The following COL21A1 variants were observed in gnomAD, a reference collection of about 807,000 sequenced individuals.
COL21A1 encodes collagen alpha-1(XXI) chain.
In COL21A1, 149 loss-of-function variants were observed where a neutral mutation model predicts 137.9. That is an observed-to-expected ratio of 1.08 (90% CI 0.95 to 1.24). The LOEUF (loss-of-function observed/expected upper bound fraction) is 1.24, where lower values mean the gene tolerates loss of function less well. Among genes scored for constraint, COL21A1 ranks in the 50% most tolerant of loss-of-function variants. The probability of loss-of-function intolerance (pLI) is 0.00; values close to 1 mark genes in which losing one functional copy is unlikely to be tolerated. For missense variants in COL21A1, 1,167 were observed against 1,158.4 expected, an observed-to-expected ratio of 1.01 and a Z score of -0.11; for synonymous variants, 456 against 391.5, an observed-to-expected ratio of 1.16 and a Z score of -1.95.
At chr6:56,162,777 A>G (rs1006756558) in intron 9 of COL21A1, among the ~76,000 whole-genome samples, 5 of 152,274 alleles carry the variant, frequency 3.3e-5, no homozygotes, top group African/African-American at 1.2e-4. Context: ...TATTTTTAAA[A>G]GAATCTACTG....
At chr6:56,113,996 A>C (rs1725323008) in intron 16 of COL21A1, among the ~76,000 whole-genome samples, 2 of 152,068 alleles carry the variant, frequency 1.3e-5, no homozygotes, top group African/African-American at 4.8e-5. Flanking sequence ...GGAGAGAAAA[A>C]AGTGAGAAGG....
chr6:56,061,820 G>A, intron 24 of COL21A1, 139 bp from the exon 25 acceptor site: 1 of 535,172 alleles, frequency 1.9e-6, no homozygotes, highest in Non-Finnish European at 3.3e-6. Flanking sequence ...CAGAATTACA[G>A]ACCCTTTTTG....
intron 1 of COL21A1, among the ~76,000 whole-genome samples, chr6:56,208,137 C>T (rs1394157659): frequency 6.6e-6 from 1 of 152,004 alleles, no homozygotes; most frequent in African/African-American, 2.4e-5. Context: ...ACAAGGATGC[C>T]CTCTCTCACC....
chr6:56,143,962 G>A (rs757493245), intron 10 of COL21A1, among the ~76,000 whole-genome samples: 2 of 152,106 alleles, frequency 1.3e-5, no homozygotes, highest in African/African-American at 2.4e-5. Flanking sequence ...AAATGGAAAC[G>A]TTTAGTAATC....
chr6:56,086,759 G>C (rs1446543718), intron 17 of COL21A1, among the ~76,000 whole-genome samples: 1 of 152,060 alleles, frequency 6.6e-6, no homozygotes, highest in Non-Finnish European at 1.5e-5. Flanking sequence ...ATCTAGAAAG[G>C]TTCCTATAAG....
chr6:56,058,655 T>A (rs941250915), intron 29 of COL21A1, among the ~76,000 whole-genome samples: 1 of 152,208 alleles, frequency 6.6e-6, no homozygotes, highest in Non-Finnish European at 1.5e-5. Flanking sequence ...AATCATAGCA[T>A]ACATTTATTG....
rs749877542 is a variant in COL21A1, at chr6:56,352,574, G to A, written c.-39+41397C>T. On this transcript the variant is annotated intron_variant, in intron 1 of 28. Transcript: ENST00000370819. ...AAGAAAAAATGCAGTTGAAGAAGGG[G>A]AGATTAAATGAAAATTTGTATAGTA... is the stretch of plus-strand genomic sequence containing the variant. Among the ~76,000 whole-genome samples, 26 of 152,032 alleles carry A rather than the reference G, an allele frequency of 1.7e-4. 1 individual carries two copies. Among genetic ancestry groups the A allele is most frequent in the South Asian group, 1.0e-3 (5 of 4,812 alleles).
At chr6:56,076,946 C>T (rs1271913246) in intron 18 of COL21A1, among the ~76,000 whole-genome samples, 1 of 151,032 alleles carries the variant, frequency 6.6e-6, no homozygotes, top group Non-Finnish European at 1.5e-5. Context: ...TTGAAGAACA[C>T]TAAAAACAAA....
intron 1 of COL21A1, chr6:56,276,822 T>A (rs1763674201): frequency 2.3e-6 from 2 of 863,750 alleles, no homozygotes; most frequent in Non-Finnish European, 3.7e-6. Flanking sequence ...TTTTGTTTTT[T>A]TTTTGAGACA....
intron 16 of COL21A1, 24 bp downstream of exon 16, chr6:56,124,037 TC>T: frequency 6.9e-7 from 1 of 1,459,774 alleles, no homozygotes; most frequent in South Asian, 1.4e-5. Context: ...TTTTGTTTTG[TC>T]CTTTTTTTTT....
At chr6:56,384,287 C>T (rs531464675) in intron 1 of COL21A1, among the ~76,000 whole-genome samples, 1 of 152,332 alleles carries the variant, frequency 6.6e-6, no homozygotes, top group South Asian at 2.1e-4. Context: ...CCTGGCAGGT[C>T]CTTCCAATTG....
chr6:56,353,016 G>A (rs374212568), intron 1 of COL21A1, among the ~76,000 whole-genome samples: 37 of 152,136 alleles, frequency 2.4e-4, no homozygotes, highest in African/African-American at 8.9e-4. Context: ...CTCCATCCTG[G>A]GCCACAGAGC....
upstream of COL21A1, among the ~76,000 whole-genome samples, chr6:56,251,089 C>A (rs1782841723): frequency 2.0e-5 from 3 of 152,152 alleles, no homozygotes. Context: ...CTCACCTCTG[C>A]CTCATCCAAA....
In COL21A1 at chr6:56,101,507, C is replaced by T. The variant is rs766840900; in HGVS notation, c.1777G>A (p.Gly593Ser). The T allele has an allele frequency of 3.3e-5, 53 of 1,593,620 alleles. No homozygotes were observed. The highest frequency in any genetic ancestry group is 2.7e-5 in the Non-Finnish European group (32 of 1,169,002). ...PGFKGEAGSP[G>S]APGQDGTRGE... is the part of the protein sequence containing the mutation. Reference sequence around the variant, plus strand: ...CGTGTTCCATCCTGCCCCGGAGCACCAGGGGATCCTGCTTCTCCCTTTTAA... The same window carrying T: ...CGTGTTCCATCCTGCCCCGGAGCACTAGGGGATCCTGCTTCTCCCTTTTAA... Residue 593 changes from glycine (G) to serine (S), a missense_variant, in exon 17 of 30, where the codon GGT (glycine) becomes AGT (serine). By Grantham distance (56) the Gly-to-Ser change is moderately conservative. Transcript: ENST00000244728.
intron 1 of COL21A1, among the ~76,000 whole-genome samples, chr6:56,278,944 G>A (rs1310611610): frequency 2.0e-5 from 3 of 152,190 alleles, no homozygotes; most frequent in Non-Finnish European, 4.4e-5. Flanking sequence ...GGATTAGTGA[G>A]GGTAGAATGA....
In COL21A1 at chr6:56,179,916, G is replaced by C; in HGVS notation, c.302C>G (p.Thr101Arg). The change falls in exon 3 of 30, where the codon ACG becomes AGG. Residue 101 changes from threonine to arginine, a missense_variant. Coordinates refer to ENST00000244728, the MANE Select transcript of COL21A1 (RefSeq NM_030820.4). ...GTAGAGTATGGATTCCACTGCTGCC[G>C]TCAAATGTTCTCCTGAATCATAGCT... ...LGSYDSGEHL[T>R]AAVESILYLG... The C allele has an allele frequency of 1.9e-6, 3 of 1,613,794 alleles. No individual in the cohort carries two copies. The highest frequency in any genetic ancestry group is 2.5e-6 in the Non-Finnish European group (3 of 1,179,830).
At chr6:56,361,328 T>TA (rs1765960288) in intron 1 of COL21A1, among the ~76,000 whole-genome samples, 1 of 152,172 alleles carries the variant, frequency 6.6e-6, no homozygotes, top group African/African-American at 2.4e-5. Context: ...CATAAAAGAA[T>TA]AACCAGGGTA....
chr6:56,172,848 A>G (rs9396176), intron 3 of COL21A1, among the ~76,000 whole-genome samples: 97,475 of 151,882 alleles, frequency 0.64, 31,609 homozygotes, highest in East Asian at 0.86. Context: ...ATAAGTTGTT[A>G]TAATTACATG....
chr6:56,363,067 G>A (rs565779198), intron 1 of COL21A1, among the ~76,000 whole-genome samples: 1 of 152,274 alleles, frequency 6.6e-6, no homozygotes, highest in South Asian at 2.1e-4. Context: ...CTAGAAACAT[G>A]AATGTTTGAC....
Sources: allele counts gnomAD v4.1 joint callset (sites outside exome capture counted in the v4.1 genomes callset), GRCh38; gene constraint gnomAD v4.1.1; transcripts MANE v1.5; gene names NCBI Gene and HGNC (gene_info 2026-07-23, HGNC 2026-07-21).